Variants in ADGRA2 observed in about 807,000 individuals in gnomAD.
ADGRA2 encodes the protein G-protein coupled receptor 124.
Under a neutral mutation model 98.7 loss-of-function variants are expected in ADGRA2, and 61 were observed. That is an observed-to-expected ratio of 0.62 (90% CI 0.50 to 0.76). ADGRA2 has a LOEUF of 0.76. Among genes scored for constraint, ADGRA2 ranks in the 30% least tolerant of loss-of-function variants. The pLI is 0.00. For synonymous variants in ADGRA2, 858 were observed against 831.5 expected, an observed-to-expected ratio of 1.03 and a Z score of -0.55; for missense variants, 1,712 against 1,860.0, an observed-to-expected ratio of 0.92 and a Z score of 1.46.
rs779907476 is a variant in ADGRA2 at position 37,835,220 on chromosome 8, G to A, written c.1655G>A (p.Ser552Asn). The A allele has an allele frequency of 1.9e-6, 3 of 1,614,010 alleles. No homozygotes were observed. ...ALEAYLIKPH[S>N]YVGLTCTAFQ... ...GAGGCCTACCTCATCAAGCCGCACA[G>A]CTACGTGGGCCTGACCTGCACAGCC... is the stretch of plus-strand genomic sequence containing the variant. Residue 552 changes from serine (S) to asparagine (N), a missense_variant, in exon 12 of 19, where the codon AGC becomes AAC. Transcript: ENST00000412232.
chr8:37,807,421 A>G (rs1804708297), intron 1 of ADGRA2, among the ~76,000 whole-genome samples: 1 of 152,272 alleles, frequency 6.6e-6, no homozygotes, highest in Non-Finnish European at 1.5e-5. Context: ...CACATCCGTC[A>G]TCGAACATAA....
chr8:37,828,983 C>T, intron 3 of ADGRA2, 24 bp downstream of exon 3: 3 of 1,495,320 alleles, frequency 2.0e-6, no homozygotes, highest in African/African-American at 1.4e-5. Flanking sequence ...CCTCCCCTGA[C>T]CCCACCCCTC....
At chr8:37,838,878 C>T in intron 14 of ADGRA2, 78 bp from the exon 15 acceptor site, 1 of 1,487,568 alleles carries the variant, frequency 6.7e-7, no homozygotes, top group Non-Finnish European at 9.0e-7. Context: ...GCTGACGGGG[C>T]CTGGGAAGAG....
intron 9 of ADGRA2, 77 bp from the exon 10 acceptor site, chr8:37,833,611 G>A: frequency 1.3e-6 from 2 of 1,489,972 alleles, no homozygotes; most frequent in South Asian, 1.2e-5. Context: ...CACTGGCACA[G>A]AGCAGAGGGT....
intron 2 of ADGRA2, among the ~76,000 whole-genome samples, chr8:37,821,256 T>C (rs757631997): frequency 1.3e-5 from 2 of 152,050 alleles, no homozygotes; most frequent in Admixed American, 6.6e-5. Context: ...ACCTGGAAAA[T>C]AGGGCTATGA....
At chr8:37,833,303 C>A (rs370923513) in intron 9 of ADGRA2, 95 bp downstream of exon 9, 3 of 1,010,996 alleles carry the variant, frequency 3.0e-6, no homozygotes, top group South Asian at 1.6e-5. Context: ...TATCTCCGGG[C>A]CGCTGGGCTG....
At chr8:37,818,279 A>C (rs2129962106) in intron 2 of ADGRA2, among the ~76,000 whole-genome samples, 1 of 152,274 alleles carries the variant, frequency 6.6e-6, no homozygotes, top group Non-Finnish European at 1.5e-5. Context: ...CTTAGCACAC[A>C]CAAGTGAGAA....
chr8:37,829,353 TGGGGA>T, intron 4 of ADGRA2, 21 bp downstream of exon 4: 2 of 1,605,054 alleles, frequency 1.2e-6, no homozygotes, highest in Non-Finnish European at 1.7e-6. Context: ...GGGTGAGAAG[TGGGGA>T]GGGGAGGAGA....
In ADGRA2 at chr8:37,840,191, A is replaced by T. The variant is rs754221491; in HGVS notation, c.2582A>T (p.His861Leu). The change falls in exon 17 of 19, where the codon CAT becomes CTT. Residue 861 changes from histidine (H) to leucine (L), a missense_variant. Transcript: ENST00000412232. ...LWMGVKARVL[H>L]KELTWRAPPP... is the part of the protein sequence containing the mutation. ...ATGGGCGTGAAGGCGCGAGTGCTCC[A>T]TAAGGAGCTCACCTGGAGGGCACCC... 6.2e-6 allele frequency: 10 copies of T among 1,612,288 alleles called. No homozygotes were observed. The highest frequency in any genetic ancestry group is 1.3e-5 in the African/African-American group (1 of 75,028).
In ADGRA2 at chr8:37,839,397, G is replaced by A. The variant is rs890659623; in HGVS notation, c.2388-102G>A. ...GTCACATTCCCAACCATTCACACAC[G>A]CAGATATGTGCCTGCCCCCCGTGGC... On this transcript the variant is annotated intron_variant, in intron 15 of 18. Transcript: ENST00000412232. 1.2e-5 allele frequency: 19 copies of A among 1,531,024 alleles called. No homozygotes were observed. In the African/African-American group the frequency reaches 1.5e-4, roughly 12 times the overall value. 94.8% of individuals were successfully genotyped at this position (1,531,024 alleles called of 1,614,324 possible).
At chr8:37,823,435 A>T (rs1447246806) in intron 2 of ADGRA2, among the ~76,000 whole-genome samples, 1 of 152,030 alleles carries the variant, frequency 6.6e-6, no homozygotes, top group Admixed American at 6.6e-5. Context: ...TCCTGGTCTC[A>T]AGTGAGCCTC....
Position 37,831,579 on chromosome 8 carries a change from G to A in ADGRA2, c.1089G>A (p.Gly363=). The change falls in exon 8 of 19, where the codon GGG becomes GGA. Residue 363 remains glycine (G), a synonymous_variant. Coordinates refer to ENST00000412232, the MANE Select transcript of ADGRA2 (RefSeq NM_032777.10). The part of the protein sequence containing the change: ...CPAERVANNR[G]DFRWPRTLAG... Reference sequence around the variant, plus strand: ...CCGAGCGTGTTGCCAACAACCGCGGGGACTTCAGGTTTGGCCCACTCCACC... The same window carrying A: ...CCGAGCGTGTTGCCAACAACCGCGGAGACTTCAGGTTTGGCCCACTCCACC... 6.2e-7 allele frequency: 1 copy of A among 1,613,704 alleles called. No individual in the cohort carries two copies. The highest frequency in any genetic ancestry group is 8.5e-7 in the Non-Finnish European group (1 of 1,179,998).
chr8:37,829,125 G>A (rs1292319575), intron 3 of ADGRA2, 136 bp from the exon 4 acceptor site: 5 of 816,806 alleles, frequency 6.1e-6, no homozygotes, highest in Non-Finnish European at 1.0e-5. Context: ...CAGTCCAGCT[G>A]CGGCCTGGCC....
chr8:37,797,218 C>A lies in ADGRA2; in HGVS notation c.-51C>A. ...TCCCGCACGCCTGGGTCCCTCCGGC[C>A]GGCGCGCAGCCCGGCCCCAGCGCTG... On this transcript the variant is annotated 5_prime_UTR_variant, in exon 1 of 19. Transcript: ENST00000412232. This position sits in a 1 kb window ranked among gnomAD's most constrained non-coding sequence, Gnocchi z 5.3. 1 of 1,197,076 alleles carries A rather than the reference C, an allele frequency of 8.4e-7. No individual in the cohort carries two copies. The highest frequency in any genetic ancestry group is 3.3e-4 in the Middle Eastern group (1 of 3,008). The allele number at this position is 1,197,076 out of a possible 1,614,324, so 74.2% of individuals were successfully genotyped here. A position where few individuals can be genotyped will look rare whatever the true frequency, so the allele number is the denominator to read the frequency against.
At chr8:37,820,358 G>C (rs1805094744) in intron 2 of ADGRA2, among the ~76,000 whole-genome samples, 1 of 152,212 alleles carries the variant, frequency 6.6e-6, no homozygotes, top group South Asian at 2.1e-4. Flanking sequence ...TAATACAGAT[G>C]CTGGGCCTCC....
At position 37,814,899 on chromosome 8, in the gene ADGRA2, C is replaced by G. The variant is rs140683045; in HGVS notation, c.270C>G (p.Leu90=). The G allele has an allele frequency of 2.2e-4, 359 of 1,611,124 alleles. No homozygotes were observed. Among genetic ancestry groups the G allele is most frequent in the Non-Finnish European group, 2.4e-4 (284 of 1,177,328 alleles). ...GLLPNGTVTL[L]LSNNKITGLR... is the part of the protein sequence containing the mutation. ...TGTGTCCTCTCTGTCTCTTCAGGCT[C>G]TTGAGCAATAACAAGATCACGGGGC... is the stretch of plus-strand genomic sequence containing the variant. Residue 90 remains leucine (L), a synonymous_variant, in exon 2 of 19, where the codon CTC becomes CTG. Coordinates refer to ENST00000412232, the MANE Select transcript of ADGRA2 (RefSeq NM_032777.10). The surrounding 1 kb of genome is among the most constrained non-coding windows in gnomAD (Gnocchi z 4.3).
intron 3 of ADGRA2, 131 bp downstream of exon 3, chr8:37,829,090 C>A: frequency 1.5e-6 from 1 of 675,840 alleles, no homozygotes; most frequent in Non-Finnish European, 2.3e-6. Flanking sequence ...GGTGCCTTGG[C>A]TGGGGTCAAA....
chr8:37,833,227 AC>A lies in ADGRA2; in HGVS notation c.1296+23del. On this transcript the variant is annotated intron_variant, in intron 9 of 18. Transcript: ENST00000412232. ...CGTGCTGGTGAGGAGAGGCTAGGGC[AC>A]CCCACCAGCTCTGCTTCGGGGGCAC... The A allele has an allele frequency of 1.3e-6, 2 of 1,579,510 alleles. No homozygotes were observed.
At chr8:37,801,412 T>A (rs531301230) in intron 1 of ADGRA2, among the ~76,000 whole-genome samples, 9 of 152,024 alleles carry the variant, frequency 5.9e-5, no homozygotes, top group Non-Finnish European at 1.3e-4. Context: ...GGGGGGTGGC[T>A]TATGACAGGG....
Sources: gnomAD v4.1 joint callset for allele counts (sites outside exome capture counted in the v4.1 genomes callset) on GRCh38, gnomAD v4.1.1 for gene constraint, Gnocchi (gnomAD v3.1) non-coding constraint, MANE v1.5 for transcripts, NCBI Gene and HGNC (gene_info 2026-07-23, HGNC 2026-07-21) for gene names.